TENM4: variants seen among roughly 807,000 people sequenced by gnomAD.
TENM4 encodes teneurin transmembrane protein 4.
TENM4 carries 82 observed loss-of-function variants against 243.3 expected under a neutral mutation model. The ratio of observed to expected loss-of-function variants is 0.34; its 90% CI spans 0.28 to 0.40. The LOEUF (loss-of-function observed/expected upper bound fraction) is 0.40. Among genes scored for constraint, TENM4 ranks in the 10% least tolerant of loss-of-function variants. The probability of loss-of-function intolerance (pLI) is 1.00; values close to 1 mark genes in which losing one functional copy is unlikely to be tolerated. For missense variants in TENM4, 3,138 were observed against 3,673.3 expected (o/e 0.85, Z 3.77); for synonymous variants, 1,412 against 1,456.3 (o/e 0.97, Z 0.69).
chr11:79,317,190 G>T (rs11602583), intron 1 of TENM4, among the ~76,000 whole-genome samples: 1 of 152,032 alleles, frequency 6.6e-6, no homozygotes, highest in Non-Finnish European at 1.5e-5. Flanking sequence ...TGAGACAAAA[G>T]GTTTGTTAAC....
At chr11:78,727,625 C>CT (rs941011493) in intron 22 of TENM4, among the ~76,000 whole-genome samples, 1 of 152,028 alleles carries the variant, frequency 6.6e-6, no homozygotes, top group African/African-American at 2.4e-5. Flanking sequence ...AGTTGGATTA[C>CT]TTTTAAAAAG....
intron 32 of TENM4, among the ~76,000 whole-genome samples, chr11:78,667,416 G>A (rs1378085168): frequency 6.6e-6 from 1 of 152,148 alleles, no homozygotes; most frequent in East Asian, 1.9e-4. Context: ...GCATTCATGT[G>A]AGCTGTCATG....
At chr11:78,765,991 A>G (rs1197259855) in intron 18 of TENM4, among the ~76,000 whole-genome samples, 1 of 152,266 alleles carries the variant, frequency 6.6e-6, no homozygotes, top group East Asian at 1.9e-4. Flanking sequence ...GTAAAATTTT[A>G]TAGAGGACAT....
At chr11:78,813,550 C>T (rs1265320607) in intron 13 of TENM4, among the ~76,000 whole-genome samples, 1 of 152,184 alleles carries the variant, frequency 6.6e-6, no homozygotes, top group Non-Finnish European at 1.5e-5. Flanking sequence ...CAAATGGCTA[C>T]TGAATAAGGG....
intron 6 of TENM4, among the ~76,000 whole-genome samples, chr11:79,006,717 A>G (rs1858494175): frequency 6.6e-6 from 1 of 152,234 alleles, no homozygotes; most frequent in Non-Finnish European, 1.5e-5. Flanking sequence ...TTTTGTTACA[A>G]AGAATAGAGT....
rs771191896 is a variant in TENM4, at chr11:78,688,123, A to G, written c.5191T>C (p.Ser1731Pro). Residue 1731 changes from serine (S) to proline (P), a missense_variant, in exon 29 of 34, where the codon TCC (serine) becomes CCC (proline). By Grantham distance (74) the Ser-to-Pro change is moderately conservative (BLOSUM62 -1). Transcript: ENST00000278550. Reference sequence around the variant, plus strand: ...GTTATGGTGACATCATCCTTGCTGGAGGTCTCTACCTGGACATGCACTGAA... The same window carrying G: ...GTTATGGTGACATCATCCTTGCTGGGGGTCTCTACCTGGACATGCACTGAA... Reference protein sequence around the residue: ...DSSVHVQVETSSKDDVTITTN... With the variant: ...DSSVHVQVETPSKDDVTITTN... 6.2e-7 allele frequency: 1 copy of G among 1,613,930 alleles called. No homozygotes were observed. Among genetic ancestry groups the G allele is most frequent in the Non-Finnish European group, 8.5e-7 (1 of 1,179,874 alleles).
intron 15 of TENM4, among the ~76,000 whole-genome samples, chr11:78,799,890 G>T (rs1169910449): frequency 6.6e-6 from 1 of 152,168 alleles, no homozygotes; most frequent in Non-Finnish European, 1.5e-5. Flanking sequence ...AGTCATTTAT[G>T]GGAGACAAGA....
intron 6 of TENM4, among the ~76,000 whole-genome samples, chr11:78,983,435 T>C (rs954323416): frequency 1.6e-4 from 24 of 152,256 alleles, no homozygotes; most frequent in Admixed American, 1.6e-3. Flanking sequence ...TCAGCTAAAC[T>C]GTGCCCTAGT....
intron 3 of TENM4, among the ~76,000 whole-genome samples, chr11:79,204,247 C>T (rs527895041): frequency 6.6e-6 from 1 of 152,216 alleles, no homozygotes; most frequent in South Asian, 2.1e-4. Context: ...GAATTGTACA[C>T]TTTAAATGAC....
At chr11:78,787,289 C>T (rs891573487) in intron 15 of TENM4, among the ~76,000 whole-genome samples, 4 of 152,166 alleles carry the variant, frequency 2.6e-5, no homozygotes, top group African/African-American at 9.7e-5. Context: ...TGGACAATGA[C>T]CCTCAGATGA....
chr11:79,182,220 A>G (rs980148485), intron 3 of TENM4, among the ~76,000 whole-genome samples: 5 of 152,212 alleles, frequency 3.3e-5, no homozygotes, highest in Admixed American at 3.3e-4. Context: ...TCAAGACAGC[A>G]TGGTATTGGA....
chr11:79,010,428 T>C (rs1487721960), intron 6 of TENM4, among the ~76,000 whole-genome samples: 1 of 152,028 alleles, frequency 6.6e-6, no homozygotes, highest in Non-Finnish European at 1.5e-5. Flanking sequence ...TGGGCTTCCA[T>C]TGCTCTGGGG....
intron 4 of TENM4, among the ~76,000 whole-genome samples, chr11:79,107,281 CTAATCA>C (rs138987905): frequency 0.17 from 26,142 of 151,544 alleles, 2,595 homozygotes; most frequent in African/African-American, 0.28. Context: ...CTTGAGAATA[CTAATCA>C]TAATCATAAT....
At chr11:78,870,233 C>T (rs1433021886) in intron 9 of TENM4, among the ~76,000 whole-genome samples, 2 of 152,190 alleles carry the variant, frequency 1.3e-5, no homozygotes, top group African/African-American at 4.8e-5. Flanking sequence ...TGTATCATCA[C>T]TGTCATTTTG....
chr11:78,938,519 C>A (rs1013967678), intron 6 of TENM4, among the ~76,000 whole-genome samples: 6 of 152,128 alleles, frequency 3.9e-5, no homozygotes, highest in African/African-American at 1.4e-4. Context: ...ATTTGCATTT[C>A]ATAGTCAATT....
intron 6 of TENM4, among the ~76,000 whole-genome samples, chr11:79,000,030 CTGAT>C (rs1858274974): frequency 6.6e-6 from 1 of 152,138 alleles, no homozygotes; most frequent in African/African-American, 2.4e-5. Flanking sequence ...AGAAAAATGA[CTGAT>C]TGTTTACAGG....
chr11:78,803,790 A>G (rs1408089426), intron 15 of TENM4, among the ~76,000 whole-genome samples: 1 of 152,238 alleles, frequency 6.6e-6, no homozygotes, highest in Non-Finnish European at 1.5e-5. Flanking sequence ...CTTTGTGGCC[A>G]CATAATGAAC....
intron 26 of TENM4, among the ~76,000 whole-genome samples, chr11:78,712,002 C>T (rs1014996348): frequency 2.0e-5 from 3 of 152,122 alleles, no homozygotes; most frequent in African/African-American, 7.2e-5. Context: ...GAATTGAGAC[C>T]TACAGTTAAC....
intron 7 of TENM4, among the ~76,000 whole-genome samples, chr11:78,899,902 C>T (rs544480633): frequency 6.6e-6 from 1 of 152,322 alleles, no homozygotes; most frequent in East Asian, 1.9e-4. Flanking sequence ...CCAAATAAAT[C>T]CTTTTTCTTT....
Sources: gnomAD v4.1 joint callset for allele counts (sites outside exome capture counted in the v4.1 genomes callset) on GRCh38, gnomAD v4.1.1 for gene constraint, MANE v1.5 for transcripts, NCBI Gene and HGNC (gene_info 2026-07-23, HGNC 2026-07-21) for gene names.